Variants in CAMTA1 observed in about 807,000 individuals in gnomAD.
CAMTA1 encodes the protein calmodulin-binding transcription activator 1.
CAMTA1 carries 27 observed loss-of-function variants against 170.9 expected under a neutral mutation model. That is an observed-to-expected ratio of 0.16 (90% CI 0.12 to 0.22). The LOEUF (loss-of-function observed/expected upper bound fraction) is 0.22. CAMTA1 is among the 10% of genes least tolerant of loss of function. CAMTA1 has a pLI of 1.00. For synonymous variants in CAMTA1, 833 were observed against 891.5 expected (o/e 0.93, Z 1.17); for missense variants, 1,619 against 2,217.2 (o/e 0.73, Z 5.42).
chr1:6,899,550 G>GCA (rs1223938454), intron 3 of CAMTA1, among the ~76,000 whole-genome samples: 119 of 85,194 alleles, frequency 1.4e-3, no homozygotes, highest in African/African-American at 3.2e-3. Context: ...GCGCACGCGC[G>GCA]CGCGCACACA....
chr1:6,929,894 C>T (rs371693202), intron 3 of CAMTA1, among the ~76,000 whole-genome samples: 18 of 152,186 alleles, frequency 1.2e-4, no homozygotes, highest in Admixed American at 1.1e-3. Flanking sequence ...TGAAAATTCT[C>T]CTTCGGTCCA....
At position 7,146,033 on chromosome 1, in the gene CAMTA1, T is replaced by C. The variant is rs1646163899; in HGVS notation, c.302+54662T>C. ...TGGCATGCATGAATGATAGCTTCTA[T>C]TTACTGAACACTTACTACGTGCGTG... On this transcript the variant is annotated intron_variant, in intron 4 of 22. Coordinates refer to ENST00000303635, the MANE Select transcript of CAMTA1 (RefSeq NM_015215.4). The surrounding 1 kb of genome is among the most constrained non-coding windows in gnomAD (Gnocchi z 4.3). Among the ~76,000 whole-genome samples, 1 of 152,232 alleles carries C rather than the reference T, an allele frequency of 6.6e-6. No homozygotes were observed. Among genetic ancestry groups the C allele is most frequent in the South Asian group, 2.1e-4 (1 of 4,828 alleles).
intron 4 of CAMTA1, among the ~76,000 whole-genome samples, chr1:7,098,560 G>C (rs1367669279): frequency 6.6e-6 from 1 of 152,212 alleles, no homozygotes; most frequent in Non-Finnish European, 1.5e-5. Context: ...TATCCTGATG[G>C]AGTGTCTGGC....
At chr1:7,083,143 A>G (rs956103254) in intron 3 of CAMTA1, among the ~76,000 whole-genome samples, 3 of 152,180 alleles carry the variant, frequency 2.0e-5, no homozygotes, top group African/African-American at 7.2e-5. Context: ...GATAGTCATA[A>G]GAATGCTTTA....
chr1:7,707,805 C>T (rs775524789), intron 11 of CAMTA1, among the ~76,000 whole-genome samples: 3 of 152,164 alleles, frequency 2.0e-5, no homozygotes, highest in African/African-American at 4.8e-5. Flanking sequence ...GGGATGTTGG[C>T]GTTCATAGTC....
chr1:7,449,407 C>T (rs564488586), intron 5 of CAMTA1, among the ~76,000 whole-genome samples: 15 of 152,248 alleles, frequency 9.9e-5, no homozygotes, highest in East Asian at 1.9e-4. Context: ...ATGCTGGCAG[C>T]GTGTGGGATC....
intron 6 of CAMTA1, among the ~76,000 whole-genome samples, chr1:7,583,461 A>T (rs958739570): frequency 6.6e-6 from 1 of 152,080 alleles, no homozygotes; most frequent in Non-Finnish European, 1.5e-5. Flanking sequence ...GGAAGGTGTG[A>T]CTAACTGCTG....
intron 7 of CAMTA1, among the ~76,000 whole-genome samples, chr1:7,659,524 ACT>A (rs2095936224): frequency 6.6e-6 from 1 of 152,094 alleles, no homozygotes; most frequent in African/African-American, 2.4e-5. Context: ...ACAGAGCGAG[ACT>A]CTGTCTCAAA....
intron 6 of CAMTA1, among the ~76,000 whole-genome samples, chr1:7,598,678 C>T (rs2150549037): frequency 6.6e-6 from 1 of 152,354 alleles, no homozygotes; most frequent in East Asian, 1.9e-4. Context: ...GCTTCCTTCT[C>T]TGATGGCCAG....
intron 4 of CAMTA1, among the ~76,000 whole-genome samples, chr1:7,211,427 C>T (rs545750548): frequency 2.0e-5 from 3 of 152,200 alleles, no homozygotes; most frequent in Non-Finnish European, 4.4e-5. Context: ...CAGCAGCAAC[C>T]GCTGTTCTGA....
intron 11 of CAMTA1, chr1:7,693,713 T>C (rs1442563716): frequency 6.6e-6 from 1 of 152,244 alleles, no homozygotes; most frequent in Non-Finnish European, 1.5e-5. Flanking sequence ...AGCATGACTT[T>C]CCTGGCATTG....
chr1:7,009,644 G>A (rs989037289), intron 3 of CAMTA1, among the ~76,000 whole-genome samples: 3 of 152,216 alleles, frequency 2.0e-5, no homozygotes, highest in Non-Finnish European at 4.4e-5. Context: ...CAGGAAGCTC[G>A]GGGGCGAGTG....
intron 4 of CAMTA1, among the ~76,000 whole-genome samples, chr1:7,161,182 C>A (rs1272059587): frequency 6.6e-6 from 1 of 152,104 alleles, no homozygotes; most frequent in Non-Finnish European, 1.5e-5. Context: ...CACAAGGCAG[C>A]ACTCATGCTG....
intron 3 of CAMTA1, among the ~76,000 whole-genome samples, chr1:7,085,705 G>A (rs777775556): frequency 3.9e-5 from 6 of 152,272 alleles, no homozygotes; most frequent in Non-Finnish European, 7.3e-5. Flanking sequence ...GGTTGGCACA[G>A]CAATGCATGC....
chr1:7,557,302 C>T lies in CAMTA1; in HGVS notation c.511-83098C>T, dbSNP rs552556244. Among the ~76,000 whole-genome samples, 11 of 147,214 alleles carry T rather than the reference C, an allele frequency of 7.5e-5. No homozygotes were observed. In the East Asian group the frequency reaches 9.4e-4, roughly 13 times the overall value. ...CAGCCTGGGCGACAGAACAAGACTC[C>T]GTTCAGAAAAAAAAAAAAAAAGATG... On this transcript the variant is annotated intron_variant, in intron 6 of 22. Coordinates refer to ENST00000303635, the MANE Select transcript of CAMTA1 (RefSeq NM_015215.4).
At chr1:6,890,964 T>C (rs1204280891) in intron 3 of CAMTA1, among the ~76,000 whole-genome samples, 1 of 152,214 alleles carries the variant, frequency 6.6e-6, no homozygotes, top group Non-Finnish European at 1.5e-5. Flanking sequence ...AGTCACTCTT[T>C]CATGAGTTTC....
intron 5 of CAMTA1, chr1:7,441,314 G>C (rs879775663): frequency 2.6e-5 from 4 of 152,276 alleles, no homozygotes; most frequent in Non-Finnish European, 4.4e-5. Flanking sequence ...CCATACCAGT[G>C]ACTGTCTGTA....
chr1:7,250,929 C>T (rs924077201), intron 5 of CAMTA1, among the ~76,000 whole-genome samples: 1 of 152,186 alleles, frequency 6.6e-6, no homozygotes, highest in African/African-American at 2.4e-5. Context: ...GACCGCTGAT[C>T]GTACAAAGGC....
At chr1:7,167,987 A>G (rs924422281) in intron 4 of CAMTA1, among the ~76,000 whole-genome samples, 1 of 152,016 alleles carries the variant, frequency 6.6e-6, no homozygotes, top group African/African-American at 2.4e-5. Flanking sequence ...GGCTTCAAAC[A>G]ATCCTCCCAA....
Sources: gnomAD v4.1 joint callset for allele counts (sites outside exome capture counted in the v4.1 genomes callset) on GRCh38, gnomAD v4.1.1 for gene constraint, Gnocchi (gnomAD v3.1) non-coding constraint, MANE v1.5 for transcripts, NCBI Gene and HGNC (gene_info 2026-07-23, HGNC 2026-07-21) for gene names.